The following EPHA6 variants were observed in gnomAD, a reference collection of about 807,000 sequenced individuals.
EPHA6 encodes EPH receptor A6.
Under a neutral mutation model 112.0 loss-of-function variants are expected in EPHA6, and 50 were observed. That is an observed-to-expected ratio of 0.45 (90% CI 0.36 to 0.56). The LOEUF (loss-of-function observed/expected upper bound fraction) is 0.56. Ranked by LOEUF, EPHA6 falls within the 20% of genes least tolerant of loss-of-function variation. The probability of loss-of-function intolerance (pLI) is 0.00; values close to 1 mark genes in which losing one functional copy is unlikely to be tolerated. For missense variants in EPHA6, 1,280 were observed against 1,417.4 expected (o/e 0.90, Z 1.56); for synonymous variants, 529 against 490.7 (o/e 1.08, Z -1.03).
intron 3 of EPHA6, among the ~76,000 whole-genome samples, chr3:97,200,650 T>C (rs1050880202): frequency 6.6e-6 from 1 of 152,104 alleles, no homozygotes; most frequent in Non-Finnish European, 1.5e-5. Context: ...ATTCTTAGTA[T>C]AGTTTCTCAG....
At chr3:97,515,831 A>T (rs543274987) in intron 10 of EPHA6, among the ~76,000 whole-genome samples, 20 of 152,208 alleles carry the variant, frequency 1.3e-4, no homozygotes, top group South Asian at 6.2e-4. Context: ...CTTGTTCAAA[A>T]GGAAAAATAA....
intron 13 of EPHA6, among the ~76,000 whole-genome samples, chr3:97,628,409 G>T (rs1396811790): frequency 1.3e-5 from 2 of 151,902 alleles, no homozygotes. Context: ...AAAACTCCTA[G>T]AACAGTGTCT....
At chr3:96,924,233 T>C (rs1333486104) in intron 2 of EPHA6, among the ~76,000 whole-genome samples, 3 of 152,204 alleles carry the variant, frequency 2.0e-5, no homozygotes, top group Non-Finnish European at 4.4e-5. Context: ...ATAAATTGCT[T>C]TGGGAGATAT....
intron 3 of EPHA6, among the ~76,000 whole-genome samples, chr3:97,119,710 T>G (rs866930884): frequency 6.6e-6 from 1 of 152,024 alleles, no homozygotes; most frequent in Non-Finnish European, 1.5e-5. Flanking sequence ...TTGTCTGAAC[T>G]TACGGAAAAG....
At chr3:97,642,044 G>A (rs1248090922) in intron 14 of EPHA6, among the ~76,000 whole-genome samples, 1 of 147,902 alleles carries the variant, frequency 6.8e-6, no homozygotes, top group Non-Finnish European at 1.5e-5. Context: ...GTCCCTGTCT[G>A]ACAGCTTTGC....
chr3:97,393,417 C>T (rs945248477), intron 5 of EPHA6, among the ~76,000 whole-genome samples: 1 of 151,714 alleles, frequency 6.6e-6, no homozygotes, highest in East Asian at 1.9e-4. Context: ...ACAGTGAGCA[C>T]GTTAAATCAC....
At chr3:97,102,158 A>G (rs2047423294) in intron 3 of EPHA6, among the ~76,000 whole-genome samples, 2 of 152,046 alleles carry the variant, frequency 1.3e-5, no homozygotes, top group Non-Finnish European at 2.9e-5. Flanking sequence ...TGTGAGCTGC[A>G]TGTTGGAGAG....
intron 5 of EPHA6, among the ~76,000 whole-genome samples, chr3:97,392,133 G>A (rs961645788): frequency 9.9e-5 from 15 of 151,650 alleles, no homozygotes; most frequent in African/African-American, 2.2e-4. Context: ...AAATATATTC[G>A]TTTGGGCTTT....
At chr3:97,625,232 T>C (rs1461492672) in intron 13 of EPHA6, among the ~76,000 whole-genome samples, 1 of 151,642 alleles carries the variant, frequency 6.6e-6, no homozygotes, top group Non-Finnish European at 1.5e-5. Context: ...CAAATTGTAA[T>C]ATGAGGTACT....
In EPHA6 at chr3:97,234,028, G is replaced by A. The variant is rs1052096575; in HGVS notation, c.1270+7609G>A. The stretch of plus-strand genomic sequence containing the variant: ...ATTTTTCTAGTACAACACAGCATGA[G>A]ATTTTACCATTAAGAGTTTTACAGA... On this transcript the variant is annotated intron_variant, in intron 4 of 17. Transcript: ENST00000389672. Among the ~76,000 whole-genome samples the A allele has an allele frequency of 2.0e-5, 3 of 152,100 alleles. No individual in the cohort carries two copies. In the East Asian group the frequency reaches 5.8e-4, roughly 29 times the overall value.
chr3:97,264,129 T>G (rs1355618654), intron 5 of EPHA6, among the ~76,000 whole-genome samples: 1 of 152,358 alleles, frequency 6.6e-6, no homozygotes, highest in South Asian at 2.1e-4. Context: ...GGGGTGTCAC[T>G]TTCCTTGCTG....
chr3:97,461,928 A>C (rs189927629), intron 7 of EPHA6, among the ~76,000 whole-genome samples: 24 of 152,232 alleles, frequency 1.6e-4, no homozygotes, highest in African/African-American at 5.5e-4. Flanking sequence ...CAGCAATATC[A>C]CCTTGTAGAT....
intron 5 of EPHA6, among the ~76,000 whole-genome samples, chr3:97,322,697 A>G (rs2082178388): frequency 6.6e-6 from 1 of 152,082 alleles, no homozygotes; most frequent in African/African-American, 2.4e-5. Flanking sequence ...CTTGAATTCT[A>G]AATATTTGCA....
intron 1 of EPHA6, among the ~76,000 whole-genome samples, chr3:96,855,283 A>C (rs570551008): frequency 6.6e-6 from 1 of 152,258 alleles, no homozygotes; most frequent in South Asian, 2.1e-4. Flanking sequence ...TCCATCTGCA[A>C]CCTTAATTTT....
intron 14 of EPHA6, among the ~76,000 whole-genome samples, chr3:97,647,849 A>G (rs879789935): frequency 6.6e-6 from 1 of 152,158 alleles, no homozygotes. Context: ...TTAAACTTAC[A>G]TTGAAAATGC....
chr3:97,524,510 A>AT (rs2092591651), intron 10 of EPHA6, among the ~76,000 whole-genome samples: 1 of 152,080 alleles, frequency 6.6e-6, no homozygotes, highest in African/African-American at 2.4e-5. Context: ...AGTGATTTAC[A>AT]TAACCCCTTT....
intron 2 of EPHA6, among the ~76,000 whole-genome samples, chr3:96,934,177 G>C (rs1452168671): frequency 6.6e-6 from 1 of 151,894 alleles, no homozygotes; most frequent in Admixed American, 6.6e-5. Flanking sequence ...AAGCCACAAA[G>C]AAGGGTGTTT....
chr3:97,052,766 C>G (rs770257522), intron 3 of EPHA6, among the ~76,000 whole-genome samples: 18 of 152,062 alleles, frequency 1.2e-4, no homozygotes, highest in Non-Finnish European at 2.5e-4. Context: ...ATAATATACC[C>G]TGTTTCTACC....
At chr3:97,660,024 G>A (rs2107630178) in intron 14 of EPHA6, among the ~76,000 whole-genome samples, 1 of 152,020 alleles carries the variant, frequency 6.6e-6, no homozygotes, top group East Asian at 1.9e-4. Flanking sequence ...AGAAATATAA[G>A]GAAATCTCAA....
Sources: gnomAD v4.1 joint callset for allele counts (sites outside exome capture counted in the v4.1 genomes callset) on GRCh38, gnomAD v4.1.1 for gene constraint, MANE v1.5 for transcripts, NCBI Gene and HGNC (gene_info 2026-07-23, HGNC 2026-07-21) for gene names.